The following PRSS23 variants were observed in gnomAD, a reference collection of about 807,000 sequenced individuals.
PRSS23 encodes the protein protease, serine 23.
Under a neutral mutation model 34.7 loss-of-function variants are expected in PRSS23, and 25 were observed. The ratio of observed to expected loss-of-function variants is 0.72; its 90% confidence interval spans 0.53 to 1.01. The LOEUF is 1.01. Among genes scored for constraint, PRSS23 ranks in the 50% least tolerant of loss-of-function variants. The pLI is 0.00. For missense variants in PRSS23, 445 were observed against 475.6 expected (o/e 0.94, Z 0.60); for synonymous variants, 176 against 186.6 (o/e 0.94, Z 0.46).
intron 2 of PRSS23, among the ~76,000 whole-genome samples, chr11:86,896,859 C>T (rs1214164975): frequency 2.0e-5 from 3 of 152,238 alleles, no homozygotes; most frequent in African/African-American, 7.2e-5. Context: ...GGAAATGTTA[C>T]ATTGAAAACT....
chr11:86,853,963 G>A (rs1295618134), intron 2 of PRSS23, among the ~76,000 whole-genome samples: 2 of 151,978 alleles, frequency 1.3e-5, no homozygotes, highest in South Asian at 2.1e-4. Context: ...TAAGATTAGC[G>A]ATTTTGAACA....
intron 2 of PRSS23, among the ~76,000 whole-genome samples, chr11:86,899,181 A>G (rs7106737): frequency 0.29 from 43,804 of 152,020 alleles, 7,181 homozygotes; most frequent in Non-Finnish European, 0.36. Flanking sequence ...CTCATGGTGC[A>G]CTGCTAGGGG....
intron 2 of PRSS23, among the ~76,000 whole-genome samples, chr11:86,872,579 T>C (rs1448811135): frequency 6.6e-6 from 1 of 152,232 alleles, no homozygotes; most frequent in Non-Finnish European, 1.5e-5. Context: ...ATCTAGCACA[T>C]AGTATGTTTT....
intron 2 of PRSS23, among the ~76,000 whole-genome samples, chr11:86,895,957 A>C (rs919290538): frequency 1.3e-5 from 2 of 152,200 alleles, no homozygotes; most frequent in African/African-American, 4.8e-5. Context: ...AATTTGTATA[A>C]CACAACTAAC....
At chr11:86,890,610 C>T (rs543874522) in intron 2 of PRSS23, among the ~76,000 whole-genome samples, 1 of 152,296 alleles carries the variant, frequency 6.6e-6, no homozygotes, top group African/African-American at 2.4e-5. Flanking sequence ...CATCTGAGCC[C>T]CTGGCCTGAA....
chr11:86,796,185 T>C (rs1294436742), upstream of PRSS23, among the ~76,000 whole-genome samples: 1 of 152,072 alleles, frequency 6.6e-6, no homozygotes, highest in Non-Finnish European at 1.5e-5. Context: ...GGAAGCAATA[T>C]AACACAATGG....
At chr11:86,927,656 A>C (rs9971412) in intron 2 of PRSS23, among the ~76,000 whole-genome samples, 95,011 of 152,022 alleles carry the variant, frequency 0.62, 30,182 homozygotes, top group Non-Finnish European at 0.69. Flanking sequence ...CTTACCTTCT[A>C]ATTTTTAGTG....
chr11:86,879,808 CCGGG>C, intron 2 of PRSS23, among the ~76,000 whole-genome samples: 1 of 103,608 alleles, frequency 9.7e-6, no homozygotes, highest in Non-Finnish European at 2.0e-5. Context: ...GCCGCCCCGT[CCGGG>C]AGGGAGGTGG....
At chr11:86,834,997 T>C (rs1363868804) in intron 2 of PRSS23, among the ~76,000 whole-genome samples, 1 of 152,220 alleles carries the variant, frequency 6.6e-6, no homozygotes, top group Non-Finnish European at 1.5e-5. Context: ...CAAGGGAACC[T>C]CTAAATGGTC....
rs567401355 is a variant in PRSS23 at position 86,857,716 on chromosome 11, T to G, written c.206+34123T>G. On this transcript the variant is annotated intron_variant, in intron 2 of 2. Coordinates refer to the PRSS23 transcript ENST00000533902. ...TGCAAAAAGGACAAAGAAAGACATC[T>G]GTGTCAGGCAGCCCGCATAAGAGAT... The G allele has an allele frequency of 5.1e-4, 369 of 719,996 alleles. 1 individual carries two copies. In the African/African-American group the frequency reaches 5.1e-3, roughly 10 times the overall value. The allele number at this position is 719,996 out of a possible 1,614,324, so 44.6% of individuals were successfully genotyped here.
chr11:86,798,096 T>G (rs1947993006), upstream of PRSS23, among the ~76,000 whole-genome samples: 1 of 152,364 alleles, frequency 6.6e-6, no homozygotes, highest in African/African-American at 2.4e-5. Context: ...GGTTGATAAA[T>G]CTCTCCCTTC....
At chr11:86,939,606 T>G (rs1198515774) in intron 2 of PRSS23, among the ~76,000 whole-genome samples, 2 of 151,310 alleles carry the variant, frequency 1.3e-5, no homozygotes, top group Admixed American at 1.3e-4. Flanking sequence ...GTTTACACTA[T>G]TTATTTAATA....
At chr11:86,925,051 C>T (rs1949071598) in intron 2 of PRSS23, 1 of 152,134 alleles carries the variant, frequency 6.6e-6, no homozygotes, top group Non-Finnish European at 1.5e-5. Context: ...TAGCCCTTGG[C>T]CCTGTGGGGG....
rs60869425 is a variant in PRSS23 at position 86,900,781 on chromosome 11, C to CTTT, written c.207-50416_207-50414dup. 7.6e-3 allele frequency among the ~76,000 whole-genome samples: 711 copies of CTTT among 93,954 alleles called. 15 individuals carry two copies. The highest frequency in any genetic ancestry group is 8.5e-3 in the Non-Finnish European group (445 of 52,440). 61.6% of individuals were successfully genotyped at this position (93,954 alleles called of 152,430 possible). A position where few individuals can be genotyped will look rare whatever the true frequency, so the allele number is the denominator to read the frequency against. On this transcript the variant is annotated intron_variant, in intron 2 of 2. Coordinates refer to the PRSS23 transcript ENST00000533902. Reference sequence around the variant, plus strand: ...AATTTCAGCATTATTATCTCTCTCTCTTTTTTTTTTTTTTTTTTTTTGAGA... The same window carrying CTTT: ...AATTTCAGCATTATTATCTCTCTCTCTTTTTTTTTTTTTTTTTTTTTTTTGAGA...
rs10792882 is a variant in PRSS23 at position 86,924,399 on chromosome 11, G to A, written c.207-26817G>A. Among the ~76,000 whole-genome samples, 46 of 152,080 alleles carry A rather than the reference G, an allele frequency of 3.0e-4. 1 individual carries two copies. Among genetic ancestry groups the A allele is most frequent in the African/African-American group, 9.9e-4 (41 of 41,454 alleles). On this transcript the variant is annotated intron_variant, in intron 2 of 2. Transcript: ENST00000533902. ...CTACAACAACAACAAAATGATGAGG[G>A]CATGTTTGACTTTTACAACACACCA...
At chr11:86,894,497 T>C (rs1014807924) in intron 2 of PRSS23, among the ~76,000 whole-genome samples, 4 of 152,204 alleles carry the variant, frequency 2.6e-5, no homozygotes, top group African/African-American at 9.6e-5. Context: ...CCTGGCACTC[T>C]CTTATATAAT....
intron 2 of PRSS23, among the ~76,000 whole-genome samples, chr11:86,843,244 T>C (rs558107273): frequency 4.7e-4 from 72 of 152,296 alleles, no homozygotes; most frequent in African/African-American, 1.7e-3. Context: ...CTGGATCCCT[T>C]CCTTACACCA....
At chr11:86,910,970 A>C (rs923552284) in intron 2 of PRSS23, 1 of 152,200 alleles carries the variant, frequency 6.6e-6, no homozygotes, top group African/African-American at 2.4e-5. Flanking sequence ...TTGCTCTCCT[A>C]TATCTTCTAA....
intron 2 of PRSS23, among the ~76,000 whole-genome samples, chr11:86,917,989 T>C (rs1231791332): frequency 6.6e-6 from 1 of 152,188 alleles, no homozygotes; most frequent in Non-Finnish European, 1.5e-5. Flanking sequence ...ATATGCTAGA[T>C]TATTAGCCCA....
Sources: gnomAD v4.1 joint callset for allele counts (sites outside exome capture counted in the v4.1 genomes callset) on GRCh38, gnomAD v4.1.1 for gene constraint, MANE v1.5 for transcripts, NCBI Gene and HGNC (gene_info 2026-07-23, HGNC 2026-07-21) for gene names.